The following RANBP2 variants were observed in gnomAD, a reference collection of about 807,000 sequenced individuals.
The protein encoded by RANBP2 is E3 SUMO-protein ligase RanBP2.
A neutral mutation model predicts 303.6 loss-of-function variants in RANBP2; 57 were observed. That is an observed-to-expected ratio of 0.19 (90% confidence interval 0.15 to 0.23). RANBP2 has a LOEUF of 0.23. Ranked by LOEUF, RANBP2 falls within the 10% of genes least tolerant of loss-of-function variation. The pLI is 1.00. For synonymous variants in RANBP2, 1,167 were observed against 1,301.5 expected, an observed-to-expected ratio of 0.90 and a Z score of 2.23; for missense variants, 3,138 against 3,780.8, an observed-to-expected ratio of 0.83 and a Z score of 4.46.
chr2:108,924,248 G>A, the RANBP2 span, among the ~76,000 whole-genome samples: 1 of 152,208 alleles, frequency 6.6e-6, no homozygotes, highest in Non-Finnish European at 1.5e-5. Flanking sequence ...GACTGCTCAG[G>A]TCCTGCTCTC....
chr2:108,903,295 A>G, the RANBP2 span, among the ~76,000 whole-genome samples: 1 of 152,230 alleles, frequency 6.6e-6, no homozygotes, highest in African/African-American at 2.4e-5. Flanking sequence ...GACTCGACAT[A>G]ATAAAGATGT....
At chr2:109,102,135 C>T in the RANBP2 span, among the ~76,000 whole-genome samples, 1 of 151,886 alleles carries the variant, frequency 6.6e-6, no homozygotes, top group South Asian at 2.1e-4. Flanking sequence ...GAGTCTCGCT[C>T]TGTCGCCCAG....
chr2:109,704,833 A>G, the RANBP2 span, among the ~76,000 whole-genome samples: 1 of 152,156 alleles, frequency 6.6e-6, no homozygotes, highest in Non-Finnish European at 1.5e-5. Flanking sequence ...CCTGGGTGAC[A>G]GGAACGAAAC....
At chr2:109,164,204 G>T in the RANBP2 span, among the ~76,000 whole-genome samples, 1 of 151,788 alleles carries the variant, frequency 6.6e-6, no homozygotes, top group Non-Finnish European at 1.5e-5. Flanking sequence ...AAAGAGTTGG[G>T]GCCTTGCTCT....
chr2:109,025,024 T>A, the RANBP2 span, among the ~76,000 whole-genome samples: 2 of 152,148 alleles, frequency 1.3e-5, no homozygotes, highest in Non-Finnish European at 1.5e-5. Context: ...TGTCCCCTCT[T>A]CCCAGCTGCT....
chr2:109,136,028 A>G, the RANBP2 span, among the ~76,000 whole-genome samples: 1 of 152,134 alleles, frequency 6.6e-6, no homozygotes, highest in Non-Finnish European at 1.5e-5. Flanking sequence ...GCTGCCTAGA[A>G]TCAGGCTGCT....
chr2:108,791,502 TC>T, the RANBP2 span: 1 of 692,666 alleles, frequency 1.4e-6, no homozygotes, highest in Non-Finnish European at 2.5e-6. Flanking sequence ...TTATCAATGA[TC>T]AGTGACTGTT....
the RANBP2 span, among the ~76,000 whole-genome samples, chr2:109,448,791 A>G: frequency 2.0e-5 from 3 of 152,296 alleles, no homozygotes; most frequent in East Asian, 5.8e-4. Context: ...CAGTCTGTGG[A>G]AAAATTGTCT....
chr2:108,740,185 C>A (rs543046781), intron 6 of RANBP2, among the ~76,000 whole-genome samples: 2 of 152,122 alleles, frequency 1.3e-5, no homozygotes, highest in Non-Finnish European at 2.9e-5. Flanking sequence ...AGTCTCCCAA[C>A]TTTATCCTGG....
At chr2:109,454,362 G>C in the RANBP2 span, among the ~76,000 whole-genome samples, 2 of 152,190 alleles carry the variant, frequency 1.3e-5, no homozygotes, top group South Asian at 4.1e-4. Flanking sequence ...CTCCTGAAGG[G>C]TCTGGGCCAT....
At chr2:109,517,471 A>G in the RANBP2 span, among the ~76,000 whole-genome samples, 1 of 152,154 alleles carries the variant, frequency 6.6e-6, no homozygotes, top group Non-Finnish European at 1.5e-5. Flanking sequence ...AACAGAGTCC[A>G]AACACCGCAG....
chr2:108,723,892 C>CATTGATTG (rs35910381), intron 1 of RANBP2, among the ~76,000 whole-genome samples: 7 of 151,242 alleles, frequency 4.6e-5, no homozygotes, highest in East Asian at 3.9e-4. Context: ...CAGCTTAAAA[C>CATTGATTG]ATTGATTGAT....
At chr2:108,747,051 C>G (rs577199396) in intron 8 of RANBP2, among the ~76,000 whole-genome samples, 6 of 152,274 alleles carry the variant, frequency 3.9e-5, no homozygotes, top group African/African-American at 1.4e-4. Flanking sequence ...CTGCTAGAGC[C>G]TCTATCCTGA....
chr2:108,990,247 A>C, the RANBP2 span, among the ~76,000 whole-genome samples: 1 of 151,378 alleles, frequency 6.6e-6, no homozygotes, highest in Non-Finnish European at 1.5e-5. Context: ...CTGGCTAACA[A>C]GGTGAAACCC....
At chr2:109,078,266 GCGTATA>G in the RANBP2 span, among the ~76,000 whole-genome samples, 3,437 of 54,870 alleles carry the variant, frequency 0.063, 423 homozygotes, top group Non-Finnish European at 0.084. Flanking sequence ...TATATATAGC[GCGTATA>G]TATATATATA....
At chr2:109,371,844 A>G in the RANBP2 span, among the ~76,000 whole-genome samples, 2 of 152,144 alleles carry the variant, frequency 1.3e-5, no homozygotes, top group Admixed American at 1.3e-4. Context: ...GATTCACCTC[A>G]TGGGGTCAGT....
Position 108,725,693 on chromosome 2 carries a change from T to C in RANBP2, c.73-3439T>C, listed in dbSNP as rs563156419. Among the ~76,000 whole-genome samples the C allele has an allele frequency of 5.0e-3, 753 of 151,800 alleles. 13 individuals carry two copies. Among genetic ancestry groups the C allele is most frequent in the Non-Finnish European group, 6.6e-3 (446 of 67,934 alleles). On this transcript the variant is annotated intron_variant, in intron 1 of 28. Coordinates refer to ENST00000283195, the MANE Select transcript of RANBP2 (RefSeq NM_006267.5). ...TTGCAGTGAGCTGAGATCGAGCCAC[T>C]GCACTGCAGCCTGGCGACAGAGCAA...
At chr2:109,105,470 C>T in the RANBP2 span, among the ~76,000 whole-genome samples, 1 of 152,194 alleles carries the variant, frequency 6.6e-6, no homozygotes, top group African/African-American at 2.4e-5. Flanking sequence ...GGCCGAACAG[C>T]ACACTTGGAT....
chr2:109,164,299 C>T, the RANBP2 span, among the ~76,000 whole-genome samples: 1 of 152,192 alleles, frequency 6.6e-6, no homozygotes, highest in Non-Finnish European at 1.5e-5. Context: ...CCTCCCACCT[C>T]AGCCTCCCTG....
Sources: allele counts gnomAD v4.1 joint callset (sites outside exome capture counted in the v4.1 genomes callset), GRCh38; gene constraint gnomAD v4.1.1; transcripts MANE v1.5; gene names NCBI Gene and HGNC (gene_info 2026-07-23, HGNC 2026-07-21).